The following NMBR variants were observed in gnomAD, a reference collection of about 807,000 sequenced individuals.
NMBR encodes the protein neuromedin-B receptor.
In NMBR, 16 loss-of-function variants were observed where a neutral mutation model predicts 20.5. The observed-to-expected ratio is 0.78, with a 90% CI of 0.53 to 1.19. The LOEUF is 1.19. NMBR is among the 50% of genes most tolerant of loss of function. The pLI, the probability that NMBR is intolerant of heterozygous loss-of-function variation, is 0.00. For synonymous variants in NMBR, 212 were observed against 196.6 expected (o/e 1.08, Z -0.65); for missense variants, 582 against 499.1 (o/e 1.17, Z -1.58).
intron 1 of NMBR, among the ~76,000 whole-genome samples, chr6:142,138,263 T>G (rs929563027): frequency 2.6e-5 from 4 of 152,162 alleles, no homozygotes; most frequent in Non-Finnish European, 5.9e-5. Context: ...CCATTTTTCC[T>G]CAAGCTTTAT....
intron 1 of NMBR, among the ~76,000 whole-genome samples, chr6:142,089,918 T>C (rs1405942851): frequency 6.6e-6 from 1 of 152,212 alleles, no homozygotes; most frequent in Non-Finnish European, 1.5e-5. Context: ...CTTGAGTATG[T>C]TCAGCTTTAC....
chr6:142,104,968 G>A (rs187339751), intron 1 of NMBR, among the ~76,000 whole-genome samples: 132 of 152,270 alleles, frequency 8.7e-4, no homozygotes, highest in Non-Finnish European at 1.6e-3. Context: ...CAATTTTTGT[G>A]GCAGGGGGTG....
intron 1 of NMBR, among the ~76,000 whole-genome samples, chr6:142,095,851 A>G (rs1219662544): frequency 6.6e-6 from 1 of 152,100 alleles, no homozygotes; most frequent in Admixed American, 6.6e-5. Flanking sequence ...GTCTATTCAG[A>G]GATCCAACTT....
chr6:142,133,196 G>A (rs1435638562), intron 1 of NMBR: 1 of 683,612 alleles, frequency 1.5e-6, no homozygotes, highest in Non-Finnish European at 2.7e-6. Flanking sequence ...TATGAAGGAT[G>A]TGTAAGTATT....
At chr6:142,110,924 A>ACT (rs1777751524) in intron 1 of NMBR, among the ~76,000 whole-genome samples, 2 of 152,160 alleles carry the variant, frequency 1.3e-5, no homozygotes, top group African/African-American at 2.4e-5. Flanking sequence ...ATCAAAATAA[A>ACT]ATCGAATTAG....
chr6:142,102,002 G>C (rs968455972), intron 1 of NMBR, among the ~76,000 whole-genome samples: 7 of 152,118 alleles, frequency 4.6e-5, no homozygotes, highest in African/African-American at 1.4e-4. Context: ...AGACTATCAG[G>C]AGGATAATAC....
At chr6:142,102,802 G>A (rs999123317) in intron 1 of NMBR, among the ~76,000 whole-genome samples, 4 of 152,152 alleles carry the variant, frequency 2.6e-5, no homozygotes, top group African/African-American at 7.2e-5. Flanking sequence ...CCGTGTATAA[G>A]GCTGGCTGCA....
intron 1 of NMBR, among the ~76,000 whole-genome samples, chr6:142,136,196 T>C (rs539032647): frequency 7.2e-5 from 11 of 152,348 alleles, no homozygotes; most frequent in African/African-American, 2.6e-4. Context: ...TTCTAACTGG[T>C]GTGAGATGGT....
chr6:142,134,170 T>C, intron 1 of NMBR: 1 of 496,394 alleles, frequency 2.0e-6, no homozygotes, highest in Non-Finnish European at 3.6e-6. Flanking sequence ...TTTCTTTAAT[T>C]AGCTGTATAT....
intron 3 of NMBR, 83 bp from the exon 4 acceptor site, chr6:142,076,132 C>A (rs1338505921): frequency 4.5e-6 from 5 of 1,100,566 alleles, no homozygotes; most frequent in Non-Finnish European, 6.5e-6. Context: ...CAGGAAAGAG[C>A]AAAATTTACA....
chr6:142,092,644 A>G (rs986128359), intron 1 of NMBR, among the ~76,000 whole-genome samples: 12 of 152,174 alleles, frequency 7.9e-5, no homozygotes, highest in African/African-American at 2.9e-4. Flanking sequence ...GACAGGTTTA[A>G]CAGATGAGAT....
intron 1 of NMBR, among the ~76,000 whole-genome samples, chr6:142,132,801 T>A (rs962475353): frequency 6.6e-6 from 1 of 152,178 alleles, no homozygotes; most frequent in Non-Finnish European, 1.5e-5. Flanking sequence ...TTTTAGGTAA[T>A]TGCAGAAGCG....
intron 1 of NMBR, among the ~76,000 whole-genome samples, chr6:142,117,195 T>A (rs1430222539): frequency 2.0e-5 from 3 of 151,882 alleles, no homozygotes; most frequent in African/African-American, 7.2e-5. Context: ...GCTAGAGAAA[T>A]CACTTCTTTT....
chr6:142,147,099 T>G lies in NMBR; in HGVS notation c.-719A>C, dbSNP rs1162122742. On this transcript the variant is annotated 5_prime_UTR_variant, in exon 1 of 4. Transcript: ENST00000258042. ...TAAGCGCCAAAATGCTCGGGTCTTC[T>G]GTGGGTTCTAACCGCCGAGAGCCAA... 1.5e-5 allele frequency: 9 copies of G among 604,294 alleles called. No homozygotes were observed. Among genetic ancestry groups the G allele is most frequent in the Non-Finnish European group, 1.8e-5 (6 of 340,282 alleles). 37.4% of individuals were successfully genotyped at this position (604,294 alleles called of 1,614,324 possible).
chr6:142,130,491 T>G lies in NMBR; in HGVS notation c.-664+16553A>C, dbSNP rs527306800. On this transcript the variant is annotated intron_variant, in intron 1 of 3. Transcript: ENST00000258042. ...AGATTTCTAGATATCTTAAGAGCACTTCAGAAAAGCCTAATCCAAAAATAG... is the reference window on the plus strand; with the variant it reads ...AGATTTCTAGATATCTTAAGAGCACGTCAGAAAAGCCTAATCCAAAAATAG... Among the ~76,000 whole-genome samples, 31 of 152,272 alleles carry G rather than the reference T, an allele frequency of 2.0e-4. No individual in the cohort carries two copies. In the South Asian group the frequency reaches 2.7e-3, roughly 13 times the overall value.
chr6:142,088,932 T>C lies in NMBR; in HGVS notation c.-274A>G. The C allele has an allele frequency of 2.6e-6, 1 of 380,686 alleles. No individual in the cohort carries two copies. The allele number at this position is 380,686 out of a possible 1,614,324, so 23.6% of individuals were successfully genotyped here. ...AAAAAAAAAAAGCAAAGCGGTTGCG[T>C]CTTTGTTCCGTATTCAGTGGTTTGT... On this transcript the variant is annotated 5_prime_UTR_variant, in exon 2 of 4. Coordinates refer to ENST00000258042, the MANE Select transcript of NMBR (RefSeq NM_002511.4).
chr6:142,144,212 T>C (rs1778397282), intron 1 of NMBR, among the ~76,000 whole-genome samples: 1 of 152,150 alleles, frequency 6.6e-6, no homozygotes, highest in South Asian at 2.1e-4. Flanking sequence ...TAATAGGATG[T>C]TAGTCTCATG....
chr6:142,111,826 A>G (rs1582852156), intron 1 of NMBR, among the ~76,000 whole-genome samples: 1 of 152,212 alleles, frequency 6.6e-6, no homozygotes, highest in East Asian at 1.9e-4. Flanking sequence ...TTTCTTGGTA[A>G]GATGGCTCCC....
intron 1 of NMBR, among the ~76,000 whole-genome samples, chr6:142,095,807 T>C (rs1777438330): frequency 6.6e-6 from 1 of 152,204 alleles, no homozygotes; most frequent in East Asian, 1.9e-4. Flanking sequence ...TGGTAAGCTA[T>C]TAATTATTGC....
Sources: allele counts gnomAD v4.1 joint callset (sites outside exome capture counted in the v4.1 genomes callset), GRCh38; gene constraint gnomAD v4.1.1; transcripts MANE v1.5; gene names NCBI Gene and HGNC (gene_info 2026-07-23, HGNC 2026-07-21).